Variants in ZFP62 observed in about 807,000 individuals in gnomAD.
ZFP62 encodes the protein ZFP62 zinc finger protein.
ZFP62 carries 44 observed loss-of-function variants against 56.4 expected under a neutral mutation model. That is an observed-to-expected ratio of 0.78 (90% CI 0.61 to 1.00). ZFP62 has a LOEUF of 1.00. Ranked by LOEUF, ZFP62 falls within the 50% of genes least tolerant of loss-of-function variation. ZFP62 has a pLI of 0.00. For synonymous variants in ZFP62, 421 were observed against 388.9 expected, an observed-to-expected ratio of 1.08 and a Z score of -0.97; for missense variants, 1,030 against 1,085.7, an observed-to-expected ratio of 0.95 and a Z score of 0.72.
chr5:180,827,459 T>C, the ZFP62 span, among the ~76,000 whole-genome samples: 2 of 151,690 alleles, frequency 1.3e-5, no homozygotes, highest in African/African-American at 2.4e-5. Context: ...GATTAAGGGC[T>C]GTGCAGGGTG....
chr5:180,836,979 C>T, the ZFP62 span, among the ~76,000 whole-genome samples: 1 of 152,222 alleles, frequency 6.6e-6, no homozygotes, highest in Non-Finnish European at 1.5e-5. Context: ...ATAAAACCCA[C>T]ATTTTTCTGC....
rs139923191 is a variant in ZFP62 at position 180,850,472 on chromosome 5, C to T, written c.1023G>A (p.Glu341=). The T allele has an allele frequency of 1.5e-3, 2,390 of 1,552,452 alleles. 30 individuals carry two copies. In the African/African-American group the frequency reaches 0.027, roughly 18 times the overall value. The part of the protein sequence containing the change: ...HFGDKPYKCD[E]CEKSFNYSSL... The stretch of plus-strand genomic sequence containing the variant: ...AGCTATAATTAAAAGATTTCTCACA[C>T]TCATCACATTTATAGGGTTTATCTC... The change falls in exon 2 of 2, where the codon GAG becomes GAA. Residue 341 remains glutamate, a synonymous_variant. Coordinates refer to ENST00000502412, the MANE Select transcript of ZFP62 (RefSeq NM_001172638.2).
downstream of ZFP62, among the ~76,000 whole-genome samples, chr5:180,844,995 T>C (rs1773380579): frequency 6.6e-6 from 1 of 152,102 alleles, no homozygotes; most frequent in Non-Finnish European, 1.5e-5. Flanking sequence ...CAACCCTCAT[T>C]ACAACCTGAG....
chr5:180,856,610 G>A (rs1177172316), intron 1 of ZFP62, among the ~76,000 whole-genome samples: 1 of 152,120 alleles, frequency 6.6e-6, no homozygotes, highest in Admixed American at 6.5e-5. Context: ...TGCCATCAAG[G>A]TGCCTGCAGA....
Position 180,850,056 on chromosome 5 carries a change from T to A in ZFP62, c.1439A>T (p.Asp480Val). 1 of 1,551,854 alleles carries A rather than the reference T, an allele frequency of 6.4e-7. No homozygotes were observed. Among genetic ancestry groups the A allele is most frequent in the Non-Finnish European group, 8.7e-7 (1 of 1,147,100 alleles). The change falls in exon 2 of 2, where the codon GAT becomes GTT. Residue 480 changes from aspartate to valine, a missense_variant. Coordinates refer to ENST00000502412, the MANE Select transcript of ZFP62 (RefSeq NM_001172638.2). The part of the protein sequence containing the change: ...LHTGEKPYKC[D>V]VCGKAYISRS... ...TGAGATATAGGCTTTCCCACACACA[T>A]CACACTTATATGGTTTTTCCCCAGT...
the ZFP62 span, among the ~76,000 whole-genome samples, chr5:180,828,623 C>G: frequency 6.6e-6 from 1 of 152,218 alleles, no homozygotes; most frequent in Admixed American, 6.5e-5. Context: ...TATGTCACCT[C>G]AGGATCACTA....
intron 1 of ZFP62, among the ~76,000 whole-genome samples, chr5:180,858,282 A>AAAAAAG (rs1561911044): frequency 4.0e-4 from 55 of 138,150 alleles, no homozygotes; most frequent in African/African-American, 1.3e-3. Context: ...AAAAAAAGAA[A>AAAAAAG]AAAAGAAAAG....
At chr5:180,831,081 A>G in the ZFP62 span, 1 of 152,492 alleles carries the variant, frequency 6.6e-6, no homozygotes, top group East Asian at 1.9e-4. Flanking sequence ...GCATCACCCT[A>G]GAAACGTGGC....
In ZFP62 at chr5:180,848,637, G is replaced by A. The variant is rs372196874; in HGVS notation, c.*155C>T. 649 of 1,374,444 alleles carry A rather than the reference G, an allele frequency of 4.7e-4. 4 individuals are homozygous for A. In the South Asian group the frequency reaches 0.012, roughly 26 times the overall value. The allele number at this position is 1,374,444 out of a possible 1,614,324, so 85.1% of individuals were successfully genotyped here. A position where few individuals can be genotyped will look rare whatever the true frequency, so the allele number is the denominator to read the frequency against. Reference sequence around the variant, plus strand: ...CTTGACACTGGAGCCTTTCTTGCTTGCTATGATTGAAAATCACATAGAAAG... The same window carrying A: ...CTTGACACTGGAGCCTTTCTTGCTTACTATGATTGAAAATCACATAGAAAG... On this transcript the variant is annotated 3_prime_UTR_variant, in exon 2 of 2. Transcript: ENST00000502412.
At chr5:180,843,381 A>T (rs935040168), downstream of ZFP62, among the ~76,000 whole-genome samples, 1 of 152,184 alleles carries the variant, frequency 6.6e-6, no homozygotes, top group African/African-American at 2.4e-5. Flanking sequence ...TATAAATTAA[A>T]GGGCTAAATG....
chr5:180,855,505 G>A (rs113067487), intron 1 of ZFP62, among the ~76,000 whole-genome samples: 5 of 151,956 alleles, frequency 3.3e-5, no homozygotes, highest in Non-Finnish European at 5.9e-5. Context: ...TCCACCTTGA[G>A]ACATTCCTCT....
At position 180,861,223 on chromosome 5, in the gene ZFP62, T is replaced by C. The variant is rs749276354; in HGVS notation, c.-4A>G. ...GGCGGCCGCGGACTCACGTACTGGC[T>C]GTGGCGGCGCCGCGGGAACCCGGCC... On this transcript the variant is annotated 5_prime_UTR_variant, in exon 1 of 2. Transcript: ENST00000502412. The C allele has an allele frequency of 2.5e-6, 1 of 398,142 alleles. No individual in the cohort carries two copies. The highest frequency in any genetic ancestry group is 2.1e-5 in the African/African-American group (1 of 48,706). The allele number at this position is 398,142 out of a possible 1,614,324, so 24.7% of individuals were successfully genotyped here. A position where few individuals can be genotyped will look rare whatever the true frequency, so the allele number is the denominator to read the frequency against.
chr5:180,841,715 T>G, the ZFP62 span, among the ~76,000 whole-genome samples: 1 of 152,178 alleles, frequency 6.6e-6, no homozygotes, highest in Non-Finnish European at 1.5e-5. Context: ...AATGCTACTA[T>G]GTTCAAGGAA....
At chr5:180,834,969 CAA>C in the ZFP62 span, 2 of 152,196 alleles carry the variant, frequency 1.3e-5, no homozygotes, top group Non-Finnish European at 2.9e-5. Context: ...GACTACCACA[CAA>C]AGACTGCCAT....
intron 1 of ZFP62, chr5:180,851,880 C>A: frequency 3.2e-6 from 1 of 315,882 alleles, no homozygotes; most frequent in Non-Finnish European, 4.7e-6. Context: ...CTGAAGAAGA[C>A]AGAAAAATTC....
chr5:180,841,296 TAC>T, the ZFP62 span, among the ~76,000 whole-genome samples: 9 of 126,422 alleles, frequency 7.1e-5, no homozygotes, highest in East Asian at 2.0e-3. Flanking sequence ...TATATATACA[TAC>T]ACATATATAT....
Position 180,850,039 on chromosome 5 carries a change from A to G in ZFP62, c.1456T>C (p.Tyr486His). 1 of 1,551,846 alleles carries G rather than the reference A, an allele frequency of 6.4e-7. No homozygotes were observed. The highest frequency in any genetic ancestry group is 8.7e-7 in the Non-Finnish European group (1 of 1,147,068). Reference sequence around the variant, plus strand: ...TTTTTAAGGCTAGAGCGTGAGATATAGGCTTTCCCACACACATCACACTTA... The same window carrying G: ...TTTTTAAGGCTAGAGCGTGAGATATGGGCTTTCCCACACACATCACACTTA... ...PYKCDVCGKA[Y>H]ISRSSLKNHK... Residue 486 changes from tyrosine to histidine, a missense_variant, in exon 2 of 2, where the codon TAT becomes CAT. Physicochemically the swap from Tyr to His is moderately conservative, Grantham distance 83. Coordinates refer to ENST00000502412, the MANE Select transcript of ZFP62 (RefSeq NM_001172638.2).
At chr5:180,845,937 G>C (rs1773402260), downstream of ZFP62, 12 of 826,386 alleles carry the variant, frequency 1.5e-5, no homozygotes, top group Non-Finnish European at 1.8e-5. Context: ...ATAGAGACAT[G>C]CACTCCTATG....
the ZFP62 span, among the ~76,000 whole-genome samples, chr5:180,837,471 G>C: frequency 1.3e-5 from 2 of 152,214 alleles, no homozygotes; most frequent in African/African-American, 4.8e-5. Context: ...CTGAATGACA[G>C]ATGTCGGCAG....
Sources: allele counts gnomAD v4.1 joint callset (sites outside exome capture counted in the v4.1 genomes callset), GRCh38; gene constraint gnomAD v4.1.1; transcripts MANE v1.5; gene names NCBI Gene and HGNC (gene_info 2026-07-23, HGNC 2026-07-21).